The following SYT11 variants were observed in gnomAD, a reference collection of about 807,000 sequenced individuals.
SYT11 encodes synaptotagmin-11.
Under a neutral mutation model 30.4 loss-of-function variants are expected in SYT11, and 12 were observed. The observed-to-expected ratio is 0.39, with a 90% confidence interval of 0.25 to 0.64. SYT11 has a LOEUF of 0.64. Among genes scored for constraint, SYT11 ranks in the 30% least tolerant of loss-of-function variants. The pLI is 0.45. For missense variants in SYT11, 412 were observed against 552.0 expected, an observed-to-expected ratio of 0.75 and a Z score of 2.54; for synonymous variants, 204 against 216.0, an observed-to-expected ratio of 0.94 and a Z score of 0.49.
intron 2 of SYT11, among the ~76,000 whole-genome samples, chr1:155,869,473 T>A (rs565068450): frequency 6.6e-6 from 1 of 152,168 alleles, no homozygotes; most frequent in Non-Finnish European, 1.5e-5. Context: ...GGATTCACCA[T>A]GTTAGCCTGG....
rs1673023935 is a variant in SYT11, at chr1:155,883,978, A to G, written c.*2470A>G. ...GGGTCATACCACTAGTCTCTGTCCT[A>G]TACCCCATGAAATGTAAATACTGTA... On this transcript the variant is annotated 3_prime_UTR_variant, in exon 4 of 4. Coordinates refer to ENST00000368324, the MANE Select transcript of SYT11 (RefSeq NM_152280.5). 6.6e-6 allele frequency: 1 copy of G among 152,424 alleles called. No homozygotes were observed. The highest frequency in any genetic ancestry group is 1.5e-5 in the Non-Finnish European group (1 of 68,040). 9.4% of individuals were successfully genotyped at this position (152,424 alleles called of 1,614,324 possible).
At chr1:155,876,067 A>T (rs908094973) in intron 2 of SYT11, among the ~76,000 whole-genome samples, 2 of 152,088 alleles carry the variant, frequency 1.3e-5, no homozygotes, top group East Asian at 3.9e-4. Flanking sequence ...TGTGGTGTAT[A>T]TAAGGTTGGT....
intron 1 of SYT11, among the ~76,000 whole-genome samples, chr1:155,863,102 G>C (rs527438429): frequency 1.3e-5 from 2 of 152,102 alleles, no homozygotes; most frequent in Non-Finnish European, 2.9e-5. Context: ...ATTCGGTATG[G>C]ATATAGACAT....
intron 1 of SYT11, among the ~76,000 whole-genome samples, chr1:155,864,319 G>A (rs1672635466): frequency 6.6e-6 from 1 of 152,150 alleles, no homozygotes; most frequent in African/African-American, 2.4e-5. Flanking sequence ...ACAAAAAATA[G>A]CAATTTTATT....
intron 2 of SYT11, among the ~76,000 whole-genome samples, chr1:155,874,970 A>G (rs954952441): frequency 1.4e-5 from 2 of 145,262 alleles, no homozygotes; most frequent in African/African-American, 5.0e-5. Context: ...AGAGCTGACA[A>G]TAGGCCGGGC....
chr1:155,863,213 C>G (rs1181946973), intron 1 of SYT11, among the ~76,000 whole-genome samples: 2 of 152,010 alleles, frequency 1.3e-5, no homozygotes, highest in Non-Finnish European at 2.9e-5. Context: ...TCCAGCGACT[C>G]AAGAGACTGA....
chr1:155,865,444 G>A (rs1018492098), intron 1 of SYT11, among the ~76,000 whole-genome samples: 6 of 152,010 alleles, frequency 3.9e-5, no homozygotes, highest in South Asian at 2.1e-4. Flanking sequence ...CCTGACCAAC[G>A]TGGAGAAACC....
rs1672995233 is a variant in SYT11, at chr1:155,882,482, C to G, written c.*974C>G. The G allele has an allele frequency of 6.6e-6, 1 of 152,332 alleles. No individual in the cohort carries two copies. Among genetic ancestry groups the G allele is most frequent in the Non-Finnish European group, 1.5e-5 (1 of 68,036 alleles). The allele number at this position is 152,332 out of a possible 1,614,324, so 9.4% of individuals were successfully genotyped here. A position where few individuals can be genotyped will look rare whatever the true frequency, so the allele number is the denominator to read the frequency against. ...AAATGGGGTATTTTTGCTATCAGCT[C>G]TTCTGCTATGAAGTAGTAAAAGGCA... On this transcript the variant is annotated 3_prime_UTR_variant, in exon 4 of 4. Coordinates refer to ENST00000368324, the MANE Select transcript of SYT11 (RefSeq NM_152280.5).
chr1:155,883,645 C>T lies in SYT11; in HGVS notation c.*2137C>T, dbSNP rs1345089603. The stretch of plus-strand genomic sequence containing the variant: ...TCAAGCTGTTGCTTAACAGCTTGAT[C>T]CAGGGCGTGAAAGGTTAGTTGAGAC... On this transcript the variant is annotated 3_prime_UTR_variant, in exon 4 of 4. Coordinates refer to ENST00000368324, the MANE Select transcript of SYT11 (RefSeq NM_152280.5). 6.6e-6 allele frequency: 1 copy of T among 152,088 alleles called. No homozygotes were observed. Among genetic ancestry groups the T allele is most frequent in the Non-Finnish European group, 1.5e-5 (1 of 68,036 alleles). The allele number at this position is 152,088 out of a possible 1,614,324, so 9.4% of individuals were successfully genotyped here.
chr1:155,862,500 A>C (rs1020535641), intron 1 of SYT11, among the ~76,000 whole-genome samples: 10 of 152,236 alleles, frequency 6.6e-5, no homozygotes, highest in African/African-American at 2.4e-4. Context: ...AGATGCGTTC[A>C]TCTGTTTCTC....
chr1:155,875,977 G>A (rs920918506), intron 2 of SYT11, among the ~76,000 whole-genome samples: 4 of 152,160 alleles, frequency 2.6e-5, no homozygotes, highest in African/African-American at 9.7e-5. Flanking sequence ...GGATTCCTCA[G>A]TATCCATCTT....
chr1:155,881,368 C>A lies in SYT11; in HGVS notation c.1156C>A (p.Arg386Ser). The change falls in exon 4 of 4, where the codon CGC becomes AGC. Residue 386 changes from arginine to serine, a missense_variant. Arg to Ser is a moderately radical substitution (Grantham distance 110). Transcript: ENST00000368324. ...SIEFLVIDFDRTTKNEVVGRL... is the reference protein window; with the variant it reads ...SIEFLVIDFDSTTKNEVVGRL... The stretch of plus-strand genomic sequence containing the variant: ...CGAGTTCCTCGTTATCGACTTCGAT[C>A]GCACCACCAAGAATGAGGTGGTGGG... 1.9e-6 allele frequency: 3 copies of A among 1,614,142 alleles called. No homozygotes were observed. The highest frequency in any genetic ancestry group is 2.5e-6 in the Non-Finnish European group (3 of 1,180,022).
At chr1:155,870,549 G>C (rs141981523) in intron 2 of SYT11, among the ~76,000 whole-genome samples, 2 of 152,346 alleles carry the variant, frequency 1.3e-5, no homozygotes, top group Non-Finnish European at 2.9e-5. Context: ...CCCAGAAAGA[G>C]CTCTGCCTGT....
At chr1:155,875,081 C>T (rs1436047195) in intron 2 of SYT11, among the ~76,000 whole-genome samples, 1 of 147,350 alleles carries the variant, frequency 6.8e-6, no homozygotes, top group South Asian at 2.2e-4. Flanking sequence ...AGCGAAACCC[C>T]GTCTTTACTA....
chr1:155,861,753 G>A (rs2102552859), intron 1 of SYT11, among the ~76,000 whole-genome samples: 1 of 152,180 alleles, frequency 6.6e-6, no homozygotes. Context: ...CAAGTAGCTG[G>A]GATTACAGAC....
intron 1 of SYT11, among the ~76,000 whole-genome samples, chr1:155,865,857 T>C (rs1316681073): frequency 1.3e-5 from 2 of 151,916 alleles, no homozygotes; most frequent in Non-Finnish European, 2.9e-5. Flanking sequence ...TTTGTAATTT[T>C]TTTGTGTAGA....
chr1:155,877,204 G>A (rs1340792654), intron 2 of SYT11, among the ~76,000 whole-genome samples: 3 of 151,944 alleles, frequency 2.0e-5, no homozygotes, highest in African/African-American at 4.8e-5. Flanking sequence ...TCCTGACCTC[G>A]TGATCCGCCC....
Position 155,868,647 on chromosome 1 carries a change from C to G in SYT11, c.717C>G (p.Asp239Glu), listed in dbSNP as rs753253141. ...FYGIPYSQLQDLVLHFLVLSF... is the reference protein window; with the variant it reads ...FYGIPYSQLQELVLHFLVLSF... ...GCATCCCCTACAGCCAGCTGCAGGA[C>G]CTGGTGCTGCACTTCCTTGTCCTCA... Residue 239 changes from aspartate (D) to glutamate (E), a missense_variant, in exon 2 of 4, where the codon GAC (aspartate) becomes GAG (glutamate). Asp to Glu is a conservative substitution (Grantham distance 45, BLOSUM62 2). Coordinates refer to ENST00000368324, the MANE Select transcript of SYT11 (RefSeq NM_152280.5). The surrounding 1 kb of genome is among the most constrained non-coding windows in gnomAD (Gnocchi z 4.7). The G allele has an allele frequency of 3.1e-6, 5 of 1,614,096 alleles. No homozygotes were observed. The South Asian group carries it at 5.5e-5, about 18-fold the overall frequency.
chr1:155,883,555 TTAAAA>T lies in SYT11; in HGVS notation c.*2052_*2056del, dbSNP rs1424615043. On this transcript the variant is annotated 3_prime_UTR_variant, in exon 4 of 4. Coordinates refer to ENST00000368324, the MANE Select transcript of SYT11 (RefSeq NM_152280.5). The stretch of plus-strand genomic sequence containing the variant: ...TCTCAAAAATTAATTAATTAATTAA[TTAAAA>T]TAAACTAGGTAAACTTGGATAGGCA... 2.0e-5 allele frequency: 3 copies of T among 151,990 alleles called. No individual in the cohort carries two copies. Among genetic ancestry groups the T allele is most frequent in the Non-Finnish European group, 4.4e-5 (3 of 68,014 alleles). 9.4% of individuals were successfully genotyped at this position (151,990 alleles called of 1,614,324 possible).
Sources: allele counts gnomAD v4.1 joint callset (sites outside exome capture counted in the v4.1 genomes callset), GRCh38; gene constraint gnomAD v4.1.1; non-coding constraint Gnocchi (gnomAD v3.1); transcripts MANE v1.5; gene names NCBI Gene and HGNC (gene_info 2026-07-23, HGNC 2026-07-21).